DMD: variants seen among roughly 807,000 people sequenced by gnomAD.
The protein encoded by DMD is dystrophin, also known as mutant dystrophin.
In DMD, 63 loss-of-function variants were observed where a neutral mutation model predicts 330.1. That is an observed-to-expected ratio of 0.19 (90% CI 0.16 to 0.24). DMD has a LOEUF of 0.24. Among genes scored for constraint, DMD ranks in the 10% least tolerant of loss-of-function variants. DMD has a pLI of 1.00. For missense variants in DMD, 3,344 were observed against 2,684.1 expected (o/e 1.25, Z -5.43); for synonymous variants, 1,223 against 959.8 (o/e 1.27, Z -5.07).
At chrX:31,409,999 T>C (rs1481142904) in intron 60 of DMD, among the ~76,000 whole-genome samples, 1 of 111,078 alleles carries the variant, frequency 9.0e-6, no homozygotes, top group Admixed American at 9.6e-5. Flanking sequence ...TTGTATTTTT[T>C]AGTAGAGACA....
intron 1 of DMD, among the ~76,000 whole-genome samples, chrX:33,324,849 T>C (rs1338810459): frequency 1.8e-5 from 2 of 111,936 alleles, no homozygotes; most frequent in Admixed American, 9.6e-5. Context: ...GTTTCTTTAA[T>C]ATACAGTTAC....
intron 52 of DMD, among the ~76,000 whole-genome samples, chrX:31,721,589 A>ATCTCTC (rs59628263): frequency 2.2e-5 from 2 of 90,836 alleles, no homozygotes; most frequent in East Asian, 3.5e-4. Context: ...CTTAAAATCA[A>ATCTCTC]TCTCTCTCTC....
chrX:32,579,050 TG>T (rs2053369369), intron 13 of DMD, among the ~76,000 whole-genome samples: 1 of 110,467 alleles, frequency 9.1e-6, no homozygotes, highest in East Asian at 2.8e-4. Flanking sequence ...CAAAAACCAT[TG>T]AAAAAAACAA....
intron 44 of DMD, among the ~76,000 whole-genome samples, chrX:32,104,987 C>T (rs925498331): frequency 1.8e-5 from 2 of 112,243 alleles, no homozygotes; most frequent in East Asian, 2.8e-4. Flanking sequence ...ACACAAAACA[C>T]GCTTTGTGTT....
At chrX:32,227,109 C>T (rs951963766) in intron 43 of DMD, among the ~76,000 whole-genome samples, 1 of 103,897 alleles carries the variant, frequency 9.6e-6, no homozygotes, top group Non-Finnish European at 2.0e-5. Flanking sequence ...AAAATTCACC[C>T]TAAAGAAGTC....
At chrX:32,082,508 A>G (rs1047157129) in intron 44 of DMD, among the ~76,000 whole-genome samples, 1 of 110,965 alleles carries the variant, frequency 9.0e-6, no homozygotes, top group African/African-American at 3.3e-5. Context: ...TCCTTACACC[A>G]CAGCCCCCCA....
At chrX:32,460,699 G>T (rs142965687) in intron 25 of DMD, among the ~76,000 whole-genome samples, 1 of 110,871 alleles carries the variant, frequency 9.0e-6, no homozygotes, top group Non-Finnish European at 1.9e-5. Flanking sequence ...ACAACAAATT[G>T]TCAAGTTCCT....
intron 62 of DMD, among the ~76,000 whole-genome samples, chrX:31,291,940 C>T (rs2053730488): frequency 1.8e-5 from 2 of 110,818 alleles, no homozygotes; most frequent in Admixed American, 1.9e-4. Context: ...CAATCTCTAT[C>T]TCACATATTA....
intron 54 of DMD, among the ~76,000 whole-genome samples, chrX:31,642,129 T>C (rs1330601311): frequency 1.8e-5 from 2 of 112,057 alleles, no homozygotes; most frequent in East Asian, 5.5e-4. Flanking sequence ...CATTCTTTAA[T>C]ATTATTGAGA....
At chrX:31,875,507 T>A in intron 47 of DMD, 134 bp from the exon 48 acceptor site, 1 of 521,611 alleles carries the variant, frequency 1.9e-6, no homozygotes, top group East Asian at 3.7e-5. Context: ...TTTAGCAGCA[T>A]AATATTGATT....
At chrX:32,041,528 G>A (rs915924631) in intron 44 of DMD, among the ~76,000 whole-genome samples, 1 of 111,935 alleles carries the variant, frequency 8.9e-6, no homozygotes, top group Non-Finnish European at 1.9e-5. Flanking sequence ...ATCTAGTACT[G>A]TTGCTTTTAT....
At chrX:31,298,241 C>T (rs140116419) in intron 62 of DMD, among the ~76,000 whole-genome samples, 8,831 of 111,630 alleles carry the variant, frequency 0.079, 386 homozygotes, top group Non-Finnish European at 0.12. Flanking sequence ...GAAAATTAAA[C>T]TTCATTTGAA....
chrX:32,743,707 A>T (rs16990607), intron 7 of DMD, among the ~76,000 whole-genome samples: 12,726 of 110,646 alleles, frequency 0.12, 746 homozygotes, highest in African/African-American at 0.21. Context: ...TTTTGCTCTC[A>T]GTAGAACATT....
At chrX:32,220,182 C>T (rs932612022) in intron 43 of DMD, among the ~76,000 whole-genome samples, 4 of 111,240 alleles carry the variant, frequency 3.6e-5, no homozygotes, top group African/African-American at 1.3e-4. Flanking sequence ...ATTTGCATAT[C>T]GGTAGCATAT....
chrX:33,027,417 G>C (rs2094024606), intron 1 of DMD, among the ~76,000 whole-genome samples: 1 of 112,536 alleles, frequency 8.9e-6, no homozygotes, highest in Admixed American at 9.4e-5. Context: ...CATGATTTGA[G>C]TCCAGTAAGT....
chrX:31,539,210 A>G (rs2073636636), intron 55 of DMD, among the ~76,000 whole-genome samples: 1 of 111,460 alleles, frequency 9.0e-6, no homozygotes, highest in South Asian at 3.8e-4. Context: ...TCAGGGGTAA[A>G]CGAGACAGAA....
chrX:31,870,538 T>C (rs1330535607), intron 48 of DMD, among the ~76,000 whole-genome samples: 4 of 112,159 alleles, frequency 3.6e-5, no homozygotes, highest in Non-Finnish European at 1.9e-5. Flanking sequence ...CTCTCCTGCC[T>C]TTTATTTCAG....
At chrX:32,425,407 T>C (rs749431970) in intron 29 of DMD, among the ~76,000 whole-genome samples, 1 of 111,508 alleles carries the variant, frequency 9.0e-6, no homozygotes, top group Non-Finnish European at 1.9e-5. Context: ...TTTGCTCGTG[T>C]ATCCTATCTT....
chrX:31,424,179 G>A (rs2063575081), intron 60 of DMD, among the ~76,000 whole-genome samples: 1 of 111,533 alleles, frequency 9.0e-6, no homozygotes, highest in Non-Finnish European at 1.9e-5. Flanking sequence ...TAAGGAAGCA[G>A]TAGGAAAATG....
Sources: gnomAD v4.1 joint callset for allele counts (sites outside exome capture counted in the v4.1 genomes callset) on GRCh38, gnomAD v4.1.1 for gene constraint, MANE v1.5 for transcripts, NCBI Gene and HGNC (gene_info 2026-07-23, HGNC 2026-07-21) for gene names.